ARHGAP44: variants seen among roughly 807,000 people sequenced by gnomAD.
ARHGAP44 encodes Rho GTPase activating protein 44, also known as rho GTPase-activating protein 44.
In ARHGAP44, 43 loss-of-function variants were observed where a neutral mutation model predicts 106.8. The ratio of observed to expected loss-of-function variants is 0.40; its 90% CI spans 0.32 to 0.52. The LOEUF (loss-of-function observed/expected upper bound fraction) is 0.52, where lower values mean the gene tolerates loss of function less well. Among genes scored for constraint, ARHGAP44 ranks in the 20% least tolerant of loss-of-function variants. The pLI is 0.48. For synonymous variants in ARHGAP44, 439 were observed against 410.3 expected (o/e 1.07, Z -0.85); for missense variants, 866 against 1,050.5 (o/e 0.82, Z 2.43).
intron 10 of ARHGAP44, among the ~76,000 whole-genome samples, chr17:12,947,655 A>G (rs780845276): frequency 1.1e-4 from 17 of 152,198 alleles, no homozygotes; most frequent in Non-Finnish European, 2.2e-4. Context: ...CAGTTACACA[A>G]TCAAAAATCT....
At chr17:12,897,050 A>G (rs1318358466) in intron 3 of ARHGAP44, among the ~76,000 whole-genome samples, 1 of 152,210 alleles carries the variant, frequency 6.6e-6, no homozygotes. Context: ...TAGAAATAAC[A>G]GGCATTGTAT....
At chr17:12,955,841 A>T (rs2039113773) in intron 13 of ARHGAP44, 26 bp from the exon 14 acceptor site, 1 of 1,499,450 alleles carries the variant, frequency 6.7e-7, no homozygotes, top group African/African-American at 1.4e-5. Context: ...CCTTGGTTAA[A>T]CCTGGCCCTT....
rs373045561 is a variant in ARHGAP44 at position 12,984,787 on chromosome 17, G to A, written c.2196G>A (p.Pro732=). Residue 732 remains proline (P), a synonymous_variant, in exon 20 of 21, where the codon CCG becomes CCA. Coordinates refer to ENST00000379672, the MANE Select transcript of ARHGAP44 (RefSeq NM_014859.6). ...GCAAATCGCGGCCCACTCCTAAGCCGCGACAGAGACCTACTCTGCCGCCTC... is the reference window on the plus strand; with the variant it reads ...GCAAATCGCGGCCCACTCCTAAGCCACGACAGAGACCTACTCTGCCGCCTC... ...TLSKSRPTPK[P]RQRPTLPPPQ... is the part of the protein sequence containing the mutation. 4.2e-5 allele frequency: 67 copies of A among 1,613,772 alleles called. No homozygotes were observed. Among genetic ancestry groups the A allele is most frequent in the African/African-American group, 5.3e-5 (4 of 74,874 alleles).
chr17:12,881,551 T>C (rs1301373543), intron 1 of ARHGAP44, among the ~76,000 whole-genome samples: 1 of 152,196 alleles, frequency 6.6e-6, no homozygotes, highest in African/African-American at 2.4e-5. Context: ...AACATTGATA[T>C]AATACTTTCT....
At chr17:12,975,541 G>C (rs957587569) in intron 18 of ARHGAP44, among the ~76,000 whole-genome samples, 3 of 152,078 alleles carry the variant, frequency 2.0e-5, no homozygotes, top group Non-Finnish European at 4.4e-5. Context: ...GCTCACGCCT[G>C]TAATCCCAGC....
Position 12,952,560 on chromosome 17 carries a change from A to G in ARHGAP44, c.1115A>G (p.Lys372Arg), listed in dbSNP as rs1341754617. Residue 372 changes from lysine to arginine, a missense_variant, in exon 13 of 21, where the codon AAG (lysine) becomes AGG (arginine). Lys to Arg is a conservative substitution (Grantham distance 26). Around this residue, in one of 2 missense-constraint regions of ARHGAP44, gnomAD observed 448 missense variants for 646.9 expected, o/e 0.69. Transcript: ENST00000379672. ...TGGAATGCTTGTGAAAAGTTGCCCA[A>G]GGCCAATCACAACAACATCCGGTAA... is the stretch of plus-strand genomic sequence containing the variant. The part of the protein sequence containing the change: ...ALWNACEKLP[K>R]ANHNNIRYLI... 6.3e-7 allele frequency: 1 copy of G among 1,575,570 alleles called. No individual in the cohort carries two copies. The highest frequency in any genetic ancestry group is 8.6e-7 in the Non-Finnish European group (1 of 1,160,122).
chr17:12,857,148 A>G (rs9989436), intron 1 of ARHGAP44, among the ~76,000 whole-genome samples: 87,553 of 151,994 alleles, frequency 0.58, 28,365 homozygotes, highest in Non-Finnish European at 0.71. Context: ...ATCCACTTTC[A>G]TCTCCTTCTC....
In ARHGAP44 at chr17:12,990,571, G is replaced by A. The variant is rs996024928; in HGVS notation, c.*400G>A. ...AAGGGCTGCTACCTTTTCCTTGGAC[G>A]GCTCATGTCAGGTCTTGCAGGATCA... On this transcript the variant is annotated 3_prime_UTR_variant, in exon 21 of 21. Transcript: ENST00000379672. 1.1e-5 allele frequency: 2 copies of A among 177,808 alleles called. No homozygotes were observed. The highest frequency in any genetic ancestry group is 5.4e-5 in the Admixed American group (1 of 18,446). The allele number at this position is 177,808 out of a possible 1,614,324, so 11.0% of individuals were successfully genotyped here.
intron 3 of ARHGAP44, among the ~76,000 whole-genome samples, chr17:12,900,338 C>T (rs374982764): frequency 2.6e-4 from 40 of 151,972 alleles, no homozygotes; most frequent in African/African-American, 8.9e-4. Context: ...CCATGTTGGC[C>T]AGGCTGGTCT....
chr17:12,956,844 T>A, intron 15 of ARHGAP44, 98 bp downstream of exon 15: 1 of 579,290 alleles, frequency 1.7e-6, no homozygotes. Flanking sequence ...GCCCACAGGC[T>A]TTTTTTTTTG....
intron 1 of ARHGAP44, among the ~76,000 whole-genome samples, chr17:12,835,848 G>C (rs1288824872): frequency 6.6e-6 from 1 of 152,038 alleles, no homozygotes; most frequent in African/African-American, 2.4e-5. Flanking sequence ...TTCTGTCTCT[G>C]TGAATTTGAC....
chr17:12,879,664 AAT>A (rs974223294), intron 1 of ARHGAP44, among the ~76,000 whole-genome samples: 2 of 147,430 alleles, frequency 1.4e-5, no homozygotes, highest in African/African-American at 2.5e-5. Context: ...TGTATGTATA[AAT>A]ATATGTGTGT....
chr17:12,955,556 T>G (rs1489922684), intron 13 of ARHGAP44, among the ~76,000 whole-genome samples: 1 of 152,060 alleles, frequency 6.6e-6, no homozygotes, highest in African/African-American at 2.4e-5. Flanking sequence ...CAAGAAGTAA[T>G]GGGGTTTGTA....
Position 12,984,614 on chromosome 17 carries a change from TC to T in ARHGAP44, c.2027del (p.Pro676GlnfsTer17). 6.2e-7 allele frequency: 1 copy of T among 1,610,464 alleles called. No homozygotes were observed. The highest frequency in any genetic ancestry group is 1.1e-5 in the South Asian group (1 of 90,762). ...AMADQSAGQP[S>X]PVSLSPTPPS... ...GGCAGACCAGTCCGCTGGCCAGCCG[TC>T]CCCAGTCAGCCTGTCCCCCACCCCG... On this transcript the variant is annotated frameshift_variant, in exon 20 of 21. Coordinates refer to ENST00000379672, the MANE Select transcript of ARHGAP44 (RefSeq NM_014859.6). LOFTEE classifies it high-confidence loss of function.
Position 12,989,101 on chromosome 17 carries a change from C to CGAA in ARHGAP44, c.2318-931_2318-930insGAA, listed in dbSNP as rs1598173210. 4.4e-4 allele frequency among the ~76,000 whole-genome samples: 20 copies of CGAA among 45,152 alleles called. 1 individual carries two copies. Among genetic ancestry groups the CGAA allele is most frequent in the East Asian group, 6.4e-4 (1 of 1,554 alleles). 29.6% of individuals were successfully genotyped at this position (45,152 alleles called of 152,430 possible). On this transcript the variant is annotated intron_variant, in intron 20 of 20. Transcript: ENST00000379672. ...GACAAGAGCGAAACTCCACCCCCCCCAAAAAAAAAAAAAAAAAAAAAAAAC... is the reference window on the plus strand; with the variant it reads ...GACAAGAGCGAAACTCCACCCCCCCCGAAAAAAAAAAAAAAAAAAAAAAAAAAC...
At chr17:12,802,930 TATATATA>T (rs2034142922) in intron 1 of ARHGAP44, among the ~76,000 whole-genome samples, 1 of 9,182 alleles carries the variant, frequency 1.1e-4, no homozygotes, top group African/African-American at 4.5e-4. Flanking sequence ...GGCTAATTTA[TATATATA>T]TATATATATA....
intron 7 of ARHGAP44, among the ~76,000 whole-genome samples, chr17:12,934,604 A>G (rs2038492402): frequency 6.6e-6 from 1 of 152,232 alleles, no homozygotes. Context: ...AACTGGTGGC[A>G]GAGCTTCCAC....
chr17:12,952,329 G>A (rs1410521430), intron 12 of ARHGAP44, among the ~76,000 whole-genome samples, 172 bp from the exon 13 acceptor site: 1 of 152,186 alleles, frequency 6.6e-6, no homozygotes, highest in African/African-American at 2.4e-5. Flanking sequence ...GGACAAGACA[G>A]AAGGAGAACA....
intron 16 of ARHGAP44, among the ~76,000 whole-genome samples, chr17:12,969,358 G>C (rs1242343249): frequency 6.6e-6 from 1 of 152,160 alleles, no homozygotes; most frequent in Non-Finnish European, 1.5e-5. Context: ...CATTCTCATT[G>C]ACACTACATC....
Sources: allele counts gnomAD v4.1 joint callset (sites outside exome capture counted in the v4.1 genomes callset), GRCh38; gene constraint gnomAD v4.1.1; regional missense constraint gnomAD v4.1.1; transcripts MANE v1.5; gene names NCBI Gene and HGNC (gene_info 2026-07-23, HGNC 2026-07-21).